The following PRKN variants were observed in gnomAD, a reference collection of about 807,000 sequenced individuals.
The protein encoded by PRKN is E3 ubiquitin-protein ligase parkin.
PRKN carries 56 observed loss-of-function variants against 59.5 expected under a neutral mutation model. That is an observed-to-expected ratio of 0.94 (90% CI 0.76 to 1.18). The LOEUF (loss-of-function observed/expected upper bound fraction) is 1.18. Among genes scored for constraint, PRKN ranks in the 50% most tolerant of loss-of-function variants. PRKN has a pLI of 0.00. For synonymous variants in PRKN, 250 were observed against 222.1 expected (o/e 1.13, Z -1.12); for missense variants, 657 against 596.4 (o/e 1.10, Z -1.06).
intron 1 of PRKN, among the ~76,000 whole-genome samples, chr6:162,683,129 C>T (rs1389033071): frequency 6.6e-6 from 1 of 152,044 alleles, no homozygotes; most frequent in African/African-American, 2.4e-5. Context: ...AATAAGAGAG[C>T]CAAGAAATAC....
At chr6:161,504,694 T>A (rs1778090096) in intron 9 of PRKN, among the ~76,000 whole-genome samples, 1 of 111,386 alleles carries the variant, frequency 9.0e-6, no homozygotes, top group Non-Finnish European at 1.7e-5. Flanking sequence ...CCCACAACAG[T>A]CCCCAGAGTG....
At position 161,348,539 on chromosome 6, in the gene PRKN, T is replaced by G. The variant is rs1158431409; in HGVS notation, c.*1560A>C. 9.6e-6 allele frequency: 2 copies of G among 208,466 alleles called. No homozygotes were observed. The highest frequency in any genetic ancestry group is 1.2e-4 in the Admixed American group (2 of 16,854). The allele number at this position is 208,466 out of a possible 1,614,324, so 12.9% of individuals were successfully genotyped here. On this transcript the variant is annotated 3_prime_UTR_variant, in exon 12 of 12. Coordinates refer to ENST00000366898, the MANE Select transcript of PRKN (RefSeq NM_004562.3). The surrounding 1 kb of genome is among the most constrained non-coding windows in gnomAD (Gnocchi z 4.9). ...AGACGACGGGACTGTCCTCAGATGG[T>G]TGGAAGAAATGGGTTATCTTAGGCA...
chr6:161,725,582 C>G (rs982541151), intron 7 of PRKN, among the ~76,000 whole-genome samples: 1 of 152,248 alleles, frequency 6.6e-6, no homozygotes, highest in Admixed American at 6.5e-5. Context: ...CTTCTAGTCA[C>G]TGGCTAACCG....
At chr6:161,848,968 G>A (rs146971924) in intron 6 of PRKN, among the ~76,000 whole-genome samples, 60 of 152,202 alleles carry the variant, frequency 3.9e-4, no homozygotes, top group African/African-American at 1.3e-3. Context: ...TAACAGGCAG[G>A]GACTGGTTTC....
intron 7 of PRKN, among the ~76,000 whole-genome samples, chr6:161,774,712 A>G (rs78636000): frequency 0.044 from 6,633 of 152,248 alleles, 473 homozygotes; most frequent in African/African-American, 0.15. Flanking sequence ...CATGACATGA[A>G]GGGAAATCAA....
intron 2 of PRKN, among the ~76,000 whole-genome samples, chr6:162,360,864 T>C (rs898021249): frequency 1.3e-5 from 2 of 152,180 alleles, no homozygotes; most frequent in African/African-American, 4.8e-5. Flanking sequence ...TGATTAAAAA[T>C]GGTAAAAGGA....
intron 7 of PRKN, among the ~76,000 whole-genome samples, chr6:161,743,957 A>G (rs1282398139): frequency 6.6e-6 from 1 of 152,066 alleles, no homozygotes; most frequent in African/African-American, 2.4e-5. Flanking sequence ...AAACTGTTCC[A>G]CGGAGCCCTG....
In PRKN at chr6:161,551,106, G is replaced by A. The variant is rs1272320027; in HGVS notation, c.934-2103C>T. On this transcript the variant is annotated intron_variant, in intron 8 of 11. Transcript: ENST00000366898. This position sits in a 1 kb window ranked among gnomAD's most constrained non-coding sequence, Gnocchi z 5.2. The stretch of plus-strand genomic sequence containing the variant: ...TATGGGGTAAGGTTCTCTGGACAGT[G>A]TCATAAGCTGTGCAATTACCAGAGG... Among the ~76,000 whole-genome samples the A allele has an allele frequency of 6.6e-6, 1 of 152,156 alleles. No homozygotes were observed. The highest frequency in any genetic ancestry group is 1.5e-5 in the Non-Finnish European group (1 of 68,030).
At chr6:161,802,435 C>T (rs1035101762) in intron 6 of PRKN, among the ~76,000 whole-genome samples, 1 of 151,418 alleles carries the variant, frequency 6.6e-6, no homozygotes, top group African/African-American at 2.4e-5. Flanking sequence ...ATGACCCACA[C>T]ACGCCCCACA....
chr6:161,895,932 G>C (rs1456281022), intron 6 of PRKN, among the ~76,000 whole-genome samples: 1 of 152,144 alleles, frequency 6.6e-6, no homozygotes, highest in Non-Finnish European at 1.5e-5. Flanking sequence ...AAGGGAGCTG[G>C]AAAGGACTGA....
chr6:162,086,206 A>C (rs1372387984), intron 4 of PRKN, among the ~76,000 whole-genome samples: 3 of 152,186 alleles, frequency 2.0e-5, no homozygotes, highest in Admixed American at 2.0e-4. Flanking sequence ...CTGGCACCCT[A>C]GTTGGCACTC....
intron 4 of PRKN, among the ~76,000 whole-genome samples, chr6:162,129,117 C>T (rs1351408301): frequency 6.6e-6 from 1 of 152,132 alleles, no homozygotes; most frequent in Non-Finnish European, 1.5e-5. Flanking sequence ...AATGTGAAAC[C>T]ACAGGCTACA....
chr6:161,763,021 A>G (rs1465966056), intron 7 of PRKN, among the ~76,000 whole-genome samples: 2 of 152,194 alleles, frequency 1.3e-5, no homozygotes, highest in Non-Finnish European at 2.9e-5. Context: ...AATAGATGAC[A>G]GTTTCTTAAG....
At chr6:161,925,065 CAT>C (rs1457037149) in intron 6 of PRKN, among the ~76,000 whole-genome samples, 1 of 152,046 alleles carries the variant, frequency 6.6e-6, no homozygotes, top group Non-Finnish European at 1.5e-5. Flanking sequence ...AGGAAGGAAA[CAT>C]ATTAAAATTC....
intron 4 of PRKN, among the ~76,000 whole-genome samples, chr6:162,175,587 A>T (rs2128321147): frequency 6.6e-6 from 1 of 152,320 alleles, no homozygotes; most frequent in South Asian, 2.1e-4. Flanking sequence ...GTACTGGTGG[A>T]TTTCTCCCAT....
At chr6:162,483,406 T>C (rs942208676) in intron 1 of PRKN, among the ~76,000 whole-genome samples, 2 of 152,102 alleles carry the variant, frequency 1.3e-5, no homozygotes, top group Non-Finnish European at 2.9e-5. Context: ...TTTAACTATA[T>C]GCAAATTTTT....
In PRKN at chr6:161,350,118, T is replaced by C; in HGVS notation, c.1379A>G (p.Asp460Gly). Reference sequence around the variant, plus strand: ...CCCTGGCTACACGTCGAACCAGTGGTCCCCCATGCAGACGCGGTTCCACTC... The same window carrying C: ...CCCTGGCTACACGTCGAACCAGTGGCCCCCCATGCAGACGCGGTTCCACTC... ...GCEWNRVCMGDHWFDV is the reference protein window; with the variant it reads ...GCEWNRVCMGGHWFDV Residue 460 changes from aspartate (D) to glycine (G), a missense_variant, in exon 12 of 12, where the codon GAC (aspartate) becomes GGC (glycine). Asp to Gly is a moderately conservative substitution (Grantham distance 94). Coordinates refer to ENST00000366898, the MANE Select transcript of PRKN (RefSeq NM_004562.3). 1 of 1,612,948 alleles carries C rather than the reference T, an allele frequency of 6.2e-7. No homozygotes were observed. Among genetic ancestry groups the C allele is most frequent in the Non-Finnish European group, 8.5e-7 (1 of 1,179,396 alleles).
intron 3 of PRKN, among the ~76,000 whole-genome samples, chr6:162,234,596 C>A (rs1778566663): frequency 6.6e-6 from 1 of 152,158 alleles, no homozygotes; most frequent in Non-Finnish European, 1.5e-5. Context: ...TTTAAATCAT[C>A]TCTAGATGAC....
chr6:161,833,066 T>C (rs542490957), intron 6 of PRKN, among the ~76,000 whole-genome samples: 1 of 152,204 alleles, frequency 6.6e-6, no homozygotes, highest in South Asian at 2.1e-4. Context: ...CACATACAAT[T>C]AGTTCACTGT....
Sources: allele counts gnomAD v4.1 joint callset (sites outside exome capture counted in the v4.1 genomes callset), GRCh38; gene constraint gnomAD v4.1.1; non-coding constraint Gnocchi (gnomAD v3.1); transcripts MANE v1.5; gene names NCBI Gene and HGNC (gene_info 2026-07-23, HGNC 2026-07-21).